BBS9: variants seen among roughly 807,000 people sequenced by gnomAD.
BBS9 encodes the protein protein PTHB1.
A neutral mutation model predicts 117.7 loss-of-function variants in BBS9; 89 were observed. The observed-to-expected ratio is 0.76, with a 90% CI of 0.64 to 0.90. BBS9 has a LOEUF of 0.90. Among genes scored for constraint, BBS9 ranks in the 40% least tolerant of loss-of-function variants. BBS9 has a pLI of 0.00. For missense variants in BBS9, 982 were observed against 1,042.2 expected (o/e 0.94, Z 0.80); for synonymous variants, 379 against 370.9 (o/e 1.02, Z -0.25).
intron 5 of BBS9, among the ~76,000 whole-genome samples, chr7:33,225,425 C>T (rs184366875): frequency 6.6e-6 from 1 of 152,106 alleles, no homozygotes; most frequent in Non-Finnish European, 1.5e-5. Context: ...TCTTGAACTC[C>T]TGGCCTCAAG....
intron 20 of BBS9, among the ~76,000 whole-genome samples, chr7:33,522,178 G>A (rs1441129941): frequency 6.6e-6 from 1 of 151,900 alleles, no homozygotes; most frequent in Non-Finnish European, 1.5e-5. Context: ...CCAATTCTTT[G>A]CTATTGTGAA....
At chr7:33,351,774 C>A (rs1001168606) in intron 14 of BBS9, among the ~76,000 whole-genome samples, 2 of 152,142 alleles carry the variant, frequency 1.3e-5, no homozygotes, top group Non-Finnish European at 2.9e-5. Context: ...AATACCAGGG[C>A]TCCCACACCT....
intron 21 of BBS9, among the ~76,000 whole-genome samples, chr7:33,544,169 TAATAA>T (rs1563334741): frequency 1.3e-5 from 2 of 152,244 alleles, no homozygotes; most frequent in Non-Finnish European, 2.9e-5. Flanking sequence ...CTGATTAGCT[TAATAA>T]CTAACCTCCT....
intron 19 of BBS9, among the ~76,000 whole-genome samples, chr7:33,464,662 G>A (rs1839915030): frequency 6.6e-6 from 1 of 151,726 alleles, no homozygotes; most frequent in South Asian, 2.1e-4. Context: ...AAAAGTGCTA[G>A]TGATTTCATT....
chr7:33,552,536 C>A (rs546633369), intron 21 of BBS9, among the ~76,000 whole-genome samples: 1 of 152,166 alleles, frequency 6.6e-6, no homozygotes, highest in East Asian at 1.9e-4. Context: ...TAGATCAACT[C>A]TGCAACTGGA....
chr7:33,373,611 G>A (rs1325511179), intron 17 of BBS9, among the ~76,000 whole-genome samples: 6 of 152,162 alleles, frequency 3.9e-5, no homozygotes, highest in Non-Finnish European at 5.9e-5. Context: ...GAACACTTCC[G>A]GTCCTGAGCA....
At chr7:33,526,881 A>G (rs988777075) in intron 20 of BBS9, among the ~76,000 whole-genome samples, 7 of 149,826 alleles carry the variant, frequency 4.7e-5, no homozygotes, top group Non-Finnish European at 8.9e-5. Context: ...TTGTGGTTTT[A>G]TCTACTTTTG....
At chr7:33,515,811 T>C (rs1438438007) in intron 20 of BBS9, among the ~76,000 whole-genome samples, 1 of 152,222 alleles carries the variant, frequency 6.6e-6, no homozygotes, top group Non-Finnish European at 1.5e-5. Context: ...CCTGGAAAGC[T>C]TTCAGCTTAG....
chr7:33,163,809 G>T (rs564080344), intron 4 of BBS9, among the ~76,000 whole-genome samples: 1 of 152,160 alleles, frequency 6.6e-6, no homozygotes, highest in African/African-American at 2.4e-5. Flanking sequence ...TTTTTGAAGG[G>T]TTTTTTGTGT....
chr7:33,516,182 G>C (rs1028483792), intron 20 of BBS9, among the ~76,000 whole-genome samples: 7 of 152,070 alleles, frequency 4.6e-5, no homozygotes, highest in Non-Finnish European at 7.4e-5. Context: ...ATGTGGGGGA[G>C]AAATGTCCTA....
At chr7:33,457,322 T>C (rs1251446069) in intron 19 of BBS9, among the ~76,000 whole-genome samples, 1 of 152,208 alleles carries the variant, frequency 6.6e-6, no homozygotes, top group Non-Finnish European at 1.5e-5. Flanking sequence ...CTTATGCTTA[T>C]GTAGAGGAGT....
chr7:33,349,320 C>T, intron 13 of BBS9, 150 bp downstream of exon 13: 1 of 687,994 alleles, frequency 1.5e-6, no homozygotes, highest in Admixed American at 2.0e-5. Context: ...TTATATTTTC[C>T]CTCTTAGCAT....
chr7:33,549,502 G>A (rs1232432135), intron 21 of BBS9, among the ~76,000 whole-genome samples: 1 of 149,616 alleles, frequency 6.7e-6, no homozygotes, highest in African/African-American at 2.5e-5. Context: ...CCTACAAAAT[G>A]GGAGAAAATT....
chr7:33,388,768 A>G (rs1826500885), intron 19 of BBS9, among the ~76,000 whole-genome samples: 2 of 152,226 alleles, frequency 1.3e-5, no homozygotes, highest in South Asian at 4.1e-4. Flanking sequence ...TATTTTTTAA[A>G]TTTTAAAATA....
chr7:33,483,947 C>A (rs1482576117), intron 19 of BBS9, among the ~76,000 whole-genome samples: 1 of 152,060 alleles, frequency 6.6e-6, no homozygotes, highest in Non-Finnish European at 1.5e-5. Context: ...CTCAACAGAC[C>A]TTTACTGAGT....
chr7:33,218,853 G>T (rs530088817), intron 5 of BBS9, among the ~76,000 whole-genome samples: 33 of 152,378 alleles, frequency 2.2e-4, no homozygotes, highest in Admixed American at 3.9e-4. Flanking sequence ...CACCTCCTCT[G>T]CCTGGGCTCC....
At chr7:33,255,475 T>C (rs1422214177) in intron 5 of BBS9, among the ~76,000 whole-genome samples, 2 of 152,026 alleles carry the variant, frequency 1.3e-5, no homozygotes, top group Non-Finnish European at 2.9e-5. Flanking sequence ...GGAGCTCTTA[T>C]ACAAATATAC....
chr7:33,619,189 A>G (rs1009105220), intron 21 of BBS9, among the ~76,000 whole-genome samples: 13 of 152,190 alleles, frequency 8.5e-5, no homozygotes, highest in African/African-American at 3.1e-4. Context: ...TAGACAAAAG[A>G]GAGCAGGGGT....
chr7:33,278,753 A>T (rs745651178), intron 9 of BBS9, among the ~76,000 whole-genome samples: 1 of 152,174 alleles, frequency 6.6e-6, no homozygotes, highest in Admixed American at 6.5e-5. Flanking sequence ...AGAAATAAGC[A>T]GTTGTAAGAG....
Sources: allele counts gnomAD v4.1 joint callset (sites outside exome capture counted in the v4.1 genomes callset), GRCh38; gene constraint gnomAD v4.1.1; transcripts MANE v1.5; gene names NCBI Gene and HGNC (gene_info 2026-07-23, HGNC 2026-07-21).